The following PACRG variants were observed in gnomAD, a reference collection of about 807,000 sequenced individuals.
PACRG encodes the protein parkin coregulated.
A neutral mutation model predicts 29.7 loss-of-function variants in PACRG; 29 were observed. The ratio of observed to expected loss-of-function variants is 0.98; its 90% CI spans 0.73 to 1.33. The LOEUF is 1.33. PACRG is among the 40% of genes most tolerant of loss of function. The pLI, the probability that PACRG is intolerant of heterozygous loss-of-function variation, is 0.00. For synonymous variants in PACRG, 116 were observed against 118.7 expected (o/e 0.98, Z 0.15); for missense variants, 279 against 316.2 (o/e 0.88, Z 0.89).
At chr6:163,062,790 T>C (rs1811204883) in intron 3 of PACRG, among the ~76,000 whole-genome samples, 1 of 152,214 alleles carries the variant, frequency 6.6e-6, no homozygotes, top group African/African-American at 2.4e-5. Flanking sequence ...AAACTTTTAA[T>C]CTACAATAGG....
At chr6:163,232,538 A>C (rs1782086572) in intron 4 of PACRG, among the ~76,000 whole-genome samples, 1 of 152,166 alleles carries the variant, frequency 6.6e-6, no homozygotes, top group Non-Finnish European at 1.5e-5. Flanking sequence ...GAAGGTGTGG[A>C]AATAAGAAGC....
intron 2 of PACRG, among the ~76,000 whole-genome samples, chr6:162,926,305 A>G (rs1209609046): frequency 6.6e-6 from 1 of 152,142 alleles, no homozygotes; most frequent in Non-Finnish European, 1.5e-5. Context: ...AAAAAAAACT[A>G]CTTTAAAATT....
intron 4 of PACRG, among the ~76,000 whole-genome samples, chr6:163,254,533 T>C (rs990449734): frequency 5.3e-5 from 8 of 152,200 alleles, no homozygotes; most frequent in African/African-American, 1.9e-4. Flanking sequence ...ATAGTCTGGG[T>C]TCTTCAGCTC....
intron 4 of PACRG, among the ~76,000 whole-genome samples, chr6:163,165,252 C>A (rs1291674723): frequency 6.6e-6 from 1 of 152,210 alleles, no homozygotes; most frequent in Non-Finnish European, 1.5e-5. Context: ...CCAGGAACAG[C>A]ATAGCAGAGG....
intron 2 of PACRG, among the ~76,000 whole-genome samples, chr6:162,950,663 C>A (rs1023657232): frequency 3.3e-5 from 5 of 152,082 alleles, no homozygotes; most frequent in African/African-American, 7.2e-5. Flanking sequence ...GCATATTAAT[C>A]CTTTCAAGTC....
chr6:163,036,425 A>G (rs1808194113), intron 2 of PACRG, among the ~76,000 whole-genome samples: 1 of 152,224 alleles, frequency 6.6e-6, no homozygotes, highest in African/African-American at 2.4e-5. Flanking sequence ...GCCAGATCTA[A>G]TAAAACTAAT....
chr6:163,214,105 A>C (rs1011420944), intron 4 of PACRG, among the ~76,000 whole-genome samples: 1 of 152,246 alleles, frequency 6.6e-6, no homozygotes, highest in Admixed American at 6.5e-5. Context: ...GTATTGTCCA[A>C]TAGAACCGTC....
chr6:162,951,213 A>G (rs1287054842), intron 2 of PACRG, among the ~76,000 whole-genome samples: 2 of 152,240 alleles, frequency 1.3e-5, no homozygotes, highest in East Asian at 3.9e-4. Context: ...GTTCTACAGA[A>G]TAAAGAAAGG....
chr6:162,917,922 A>C (rs753021513), intron 2 of PACRG, among the ~76,000 whole-genome samples: 10 of 152,192 alleles, frequency 6.6e-5, no homozygotes, highest in Non-Finnish European at 1.3e-4. Flanking sequence ...TTTTAGACTG[A>C]TGTACCATTC....
intron 2 of PACRG, among the ~76,000 whole-genome samples, chr6:162,910,727 T>G (rs563622978): frequency 6.6e-6 from 1 of 152,338 alleles, no homozygotes; most frequent in African/African-American, 2.4e-5. Context: ...TTCTCCATTC[T>G]TGTGTGTCAG....
chr6:162,997,541 C>T (rs1804183118), intron 2 of PACRG: 2 of 410,266 alleles, frequency 4.9e-6, no homozygotes, highest in African/African-American at 2.1e-5. Context: ...AATTCAATGT[C>T]AAGGTGGGCC....
At chr6:162,825,905 T>A (rs1305733553) in intron 2 of PACRG, among the ~76,000 whole-genome samples, 1 of 152,176 alleles carries the variant, frequency 6.6e-6, no homozygotes, top group African/African-American at 2.4e-5. Context: ...TATTTGCCTA[T>A]CTTACTTTTG....
intron 4 of PACRG, among the ~76,000 whole-genome samples, chr6:163,258,434 T>A (rs1185998236): frequency 6.6e-6 from 1 of 152,166 alleles, no homozygotes; most frequent in Non-Finnish European, 1.5e-5. Flanking sequence ...TGATTAGGGA[T>A]CTGCTTGATT....
rs187593202 is a variant in PACRG at position 162,814,397 on chromosome 6, A to G, written c.291+116A>G. The G allele has an allele frequency of 9.4e-5, 126 of 1,338,450 alleles. No homozygotes were observed. In the African/African-American group the frequency reaches 1.7e-3, roughly 18 times the overall value. The allele number at this position is 1,338,450 out of a possible 1,614,324, so 82.9% of individuals were successfully genotyped here. ...CTGGAGTCATTTCTCAGCACATGGA[A>G]GATGGTGGGAAAGCTCTTAGAGAAA... On this transcript the variant is annotated intron_variant, in intron 2 of 4. Transcript: ENST00000366888.
At chr6:163,203,136 C>T (rs1780775276) in intron 4 of PACRG, among the ~76,000 whole-genome samples, 1 of 152,112 alleles carries the variant, frequency 6.6e-6, no homozygotes, top group Non-Finnish European at 1.5e-5. Flanking sequence ...CACGGCGGCT[C>T]ACACCTGTAA....
At chr6:162,914,521 T>C (rs1434585212) in intron 2 of PACRG, among the ~76,000 whole-genome samples, 1 of 147,824 alleles carries the variant, frequency 6.8e-6, no homozygotes, top group Admixed American at 6.7e-5. Flanking sequence ...TTTTTTTTTT[T>C]TTTTTTTTTA....
intron 1 of PACRG, among the ~76,000 whole-genome samples, chr6:162,742,953 T>G (rs367855731): frequency 6.6e-6 from 1 of 152,162 alleles, no homozygotes; most frequent in African/African-American, 2.4e-5. Flanking sequence ...CTCCGTACTG[T>G]TTTTTATAGC....
At position 163,235,026 on chromosome 6, in the gene PACRG, T is replaced by C. The variant is rs1324475526; in HGVS notation, c.614-79801T>C. ...GACTATGTTTAAATGAAGAAAGATA[T>C]GAGCTCCATGAAACTGAAGGTACAA... On this transcript the variant is annotated intron_variant, in intron 4 of 4. Transcript: ENST00000366888. 3.3e-5 allele frequency among the ~76,000 whole-genome samples: 5 copies of C among 152,118 alleles called. No individual in the cohort carries two copies. The South Asian group carries it at 1.0e-3, about 32-fold the overall frequency.
chr6:163,068,461 T>G (rs1301329211), intron 3 of PACRG, among the ~76,000 whole-genome samples: 3 of 150,764 alleles, frequency 2.0e-5, no homozygotes, highest in Non-Finnish European at 4.4e-5. Flanking sequence ...ATATGAAATT[T>G]TATGTGGATA....
Sources: gnomAD v4.1 joint callset for allele counts (sites outside exome capture counted in the v4.1 genomes callset) on GRCh38, gnomAD v4.1.1 for gene constraint, MANE v1.5 for transcripts, NCBI Gene and HGNC (gene_info 2026-07-23, HGNC 2026-07-21) for gene names.